Variants in CLK4 observed in about 807,000 individuals in gnomAD.
The protein encoded by CLK4 is CDC like kinase 4, also known as dual specificity protein kinase CLK4.
Under a neutral mutation model 64.4 loss-of-function variants are expected in CLK4, and 37 were observed. The observed-to-expected ratio is 0.57, with a 90% CI of 0.44 to 0.76. The LOEUF (loss-of-function observed/expected upper bound fraction) is 0.76, where lower values mean the gene tolerates loss of function less well. Among genes scored for constraint, CLK4 ranks in the 30% least tolerant of loss-of-function variants. The pLI is 0.00. For missense variants in CLK4, 457 were observed against 605.1 expected (o/e 0.76, Z 2.57); for synonymous variants, 175 against 191.6 (o/e 0.91, Z 0.72).
At chr5:178,613,953 A>C in intron 5 of CLK4, 110 bp from the exon 6 acceptor site, 1 of 708,592 alleles carries the variant, frequency 1.4e-6, no homozygotes, top group Non-Finnish European at 2.4e-6. Context: ...CATTTAAAAT[A>C]ATCTTTCAGA....
Position 178,617,807 on chromosome 5 carries a change from G to T in CLK4, c.385-373C>A. On this transcript the variant is annotated intron_variant, in intron 3 of 12. Transcript: ENST00000316308. The surrounding 1 kb of genome is among the most constrained non-coding windows in gnomAD (Gnocchi z 5.2). ...CATATGCTGTGAATTGAGATGTCTA[G>T]TTTTTCAGAAAAATGTTTTAAAATG... 1 of 155,952 alleles carries T rather than the reference G, an allele frequency of 6.4e-6. No homozygotes were observed. Among genetic ancestry groups the T allele is most frequent in the Non-Finnish European group, 1.4e-5 (1 of 70,648 alleles). 9.7% of individuals were successfully genotyped at this position (155,952 alleles called of 1,614,324 possible). A position where few individuals can be genotyped will look rare whatever the true frequency, so the allele number is the denominator to read the frequency against.
In CLK4 at chr5:178,617,213, A is replaced by C; in HGVS notation, c.475+131T>G. On this transcript the variant is annotated intron_variant, in intron 4 of 12. Transcript: ENST00000316308. The surrounding 1 kb of genome is among the most constrained non-coding windows in gnomAD (Gnocchi z 5.2). Reference sequence around the variant, plus strand: ...ATTCTACAGAAAAGAAGAAATATAAAAGAACAAACAAACCCACAAAAAGCA... The same window carrying C: ...ATTCTACAGAAAAGAAGAAATATAACAGAACAAACAAACCCACAAAAAGCA... 1 of 714,558 alleles carries C rather than the reference A, an allele frequency of 1.4e-6. No homozygotes were observed. Among genetic ancestry groups the C allele is most frequent in the Non-Finnish European group, 2.4e-6 (1 of 422,278 alleles). 44.3% of individuals were successfully genotyped at this position (714,558 alleles called of 1,614,324 possible). A position where few individuals can be genotyped will look rare whatever the true frequency, so the allele number is the denominator to read the frequency against.
Position 178,603,381 on chromosome 5 carries a change from G to C in CLK4, c.*236C>G. ...CACTGGACACAAAGGATATTTCAAA[G>C]GTATTTAAAAATGGTAATTTCAAAA... On this transcript the variant is annotated 3_prime_UTR_variant, in exon 13 of 13. Transcript: ENST00000316308. 1 of 277,526 alleles carries C rather than the reference G, an allele frequency of 3.6e-6. No homozygotes were observed. Among genetic ancestry groups the C allele is most frequent in the Non-Finnish European group, 6.7e-6 (1 of 150,338 alleles). 17.2% of individuals were successfully genotyped at this position (277,526 alleles called of 1,614,324 possible).
chr5:178,612,753 T>C, intron 8 of CLK4, 43 bp downstream of exon 8: 2 of 1,215,442 alleles, frequency 1.6e-6, no homozygotes, highest in Non-Finnish European at 2.4e-6. Flanking sequence ...GTTAAATTAA[T>C]TTTAAAGACA....
chr5:178,615,766 G>A (rs1227743477), intron 5 of CLK4, among the ~76,000 whole-genome samples: 3 of 152,018 alleles, frequency 2.0e-5, no homozygotes, highest in Admixed American at 6.6e-5. Flanking sequence ...GTGAAGTTTC[G>A]CAAAAGTTCT....
chr5:178,623,751 G>C (rs1333380059), intron 1 of CLK4, among the ~76,000 whole-genome samples: 1 of 151,604 alleles, frequency 6.6e-6, no homozygotes, highest in Non-Finnish European at 1.5e-5. Flanking sequence ...AAGCCGGGGG[G>C]GGCAAATAAA....
intron 9 of CLK4, 50 bp from the exon 10 acceptor site, chr5:178,608,508 A>T (rs1764498293): frequency 2.2e-6 from 3 of 1,394,336 alleles, no homozygotes; most frequent in East Asian, 4.6e-5. Flanking sequence ...CTTTTAATTG[A>T]CAGTACATTA....
At chr5:178,612,922 C>T in intron 7 of CLK4, 32 bp from the exon 8 acceptor site, 1 of 1,121,606 alleles carries the variant, frequency 8.9e-7, no homozygotes, top group Non-Finnish European at 1.3e-6. Flanking sequence ...TTATTAGTTT[C>T]ACTTACAAAC....
intron 1 of CLK4, among the ~76,000 whole-genome samples, chr5:178,624,492 C>T (rs1352662004): frequency 6.6e-6 from 1 of 152,010 alleles, no homozygotes; most frequent in Non-Finnish European, 1.5e-5. Context: ...CAAACGATAA[C>T]GGTGACAGCT....
At position 178,616,961 on chromosome 5, in the gene CLK4, G is replaced by C. The variant is rs758455527; in HGVS notation, c.476-13C>G. The C allele has an allele frequency of 1.3e-6, 2 of 1,595,056 alleles. No homozygotes were observed. Among genetic ancestry groups the C allele is most frequent in the Non-Finnish European group, 1.7e-6 (2 of 1,163,048 alleles). ...TCCACGATTTCATCTAGAGTGAGGA[G>C]GGAAAAAGAGGTGTAAGTACCTGAG... On this transcript the variant is annotated splice_polypyrimidine_tract_variant and intron_variant, in intron 4 of 12. Transcript: ENST00000316308.
chr5:178,613,588 A>C lies in CLK4; in HGVS notation c.711T>G (p.Ile237Met). ...EWFDHHGHVC[I>M]VFELLGLSTY... is the part of the protein sequence containing the mutation. ...TACTAAGTCCCAGTAGTTCAAACACAATACAAACATGACCATGATGATCAA... is the reference window on the plus strand; with the variant it reads ...TACTAAGTCCCAGTAGTTCAAACACCATACAAACATGACCATGATGATCAA... The change falls in exon 7 of 13, where the codon ATT becomes ATG. Residue 237 changes from isoleucine (I) to methionine (M), a missense_variant. Coordinates refer to ENST00000316308, the MANE Select transcript of CLK4 (RefSeq NM_020666.3). 1 of 1,611,272 alleles carries C rather than the reference A, an allele frequency of 6.2e-7. No homozygotes were observed. The highest frequency in any genetic ancestry group is 1.3e-5 in the African/African-American group (1 of 74,892).
intron 5 of CLK4, among the ~76,000 whole-genome samples, chr5:178,616,613 C>T (rs964456846): frequency 1.3e-5 from 2 of 151,980 alleles, no homozygotes; most frequent in East Asian, 3.9e-4. Context: ...CAGGCCAACA[C>T]GGTGAAACCC....
At chr5:178,618,854 G>T in intron 2 of CLK4, 76 bp from the exon 3 acceptor site, 27 of 1,206,948 alleles carry the variant, frequency 2.2e-5, no homozygotes, top group Non-Finnish European at 3.0e-5. Flanking sequence ...CATTTTCTCA[G>T]AAATTCTTAA....
At chr5:178,626,411 C>T (rs1764780369) in intron 1 of CLK4, among the ~76,000 whole-genome samples, 1 of 152,244 alleles carries the variant, frequency 6.6e-6, no homozygotes, top group South Asian at 2.1e-4. Context: ...CAGCTACTGC[C>T]CTCAACCACC....
chr5:178,613,107 C>T lies in CLK4; in HGVS notation c.827-217G>A, dbSNP rs545802889. 2.0e-3 allele frequency among the ~76,000 whole-genome samples: 310 copies of T among 152,136 alleles called. 2 individuals are homozygous for T. The highest frequency in any genetic ancestry group is 7.2e-3 in the African/African-American group (298 of 41,502). ...ATTTATCTTAATTGTTAAGGAGGTA[C>T]AAACATAAAAAATATTTAAAAATAA... On this transcript the variant is annotated intron_variant, in intron 7 of 12. Coordinates refer to ENST00000316308, the MANE Select transcript of CLK4 (RefSeq NM_020666.3).
chr5:178,616,419 A>G (rs918916188), intron 5 of CLK4, among the ~76,000 whole-genome samples: 2 of 152,208 alleles, frequency 1.3e-5, no homozygotes, highest in South Asian at 2.1e-4. Context: ...TAAGATCCAC[A>G]TTCACGGTAA....
chr5:178,626,343 A>G (rs1184776689), intron 1 of CLK4, among the ~76,000 whole-genome samples: 2 of 152,214 alleles, frequency 1.3e-5, no homozygotes, highest in Non-Finnish European at 2.9e-5. Flanking sequence ...CGCTGCAACA[A>G]TGTTGTGTTC....
chr5:178,615,372 G>T (rs977193883), intron 5 of CLK4, among the ~76,000 whole-genome samples: 1 of 151,994 alleles, frequency 6.6e-6, no homozygotes, highest in African/African-American at 2.4e-5. Context: ...GTAAACATTT[G>T]GAAAATAGGT....
At chr5:178,626,659 G>A (rs768119821) in intron 1 of CLK4, among the ~76,000 whole-genome samples, 1 of 152,186 alleles carries the variant, frequency 6.6e-6, no homozygotes, top group Non-Finnish European at 1.5e-5. Flanking sequence ...GGTCCCGACA[G>A]GGTTAACCAA....
Sources: gnomAD v4.1 joint callset for allele counts (sites outside exome capture counted in the v4.1 genomes callset) on GRCh38, gnomAD v4.1.1 for gene constraint, Gnocchi (gnomAD v3.1) non-coding constraint, MANE v1.5 for transcripts, NCBI Gene and HGNC (gene_info 2026-07-23, HGNC 2026-07-21) for gene names.